The following LOC128462377 variants were observed in gnomAD, a reference collection of about 807,000 sequenced individuals.
chr16:89,328,718 C>G, the LOC128462377 span, among the ~76,000 whole-genome samples: 2 of 139,864 alleles, frequency 1.4e-5, no homozygotes, highest in African/African-American at 2.8e-5. Context: ...GAGGCCCCTG[C>G]TGAGTGAGTG....
At chr16:89,384,038 G>A in the LOC128462377 span, among the ~76,000 whole-genome samples, 1 of 152,156 alleles carries the variant, frequency 6.6e-6, no homozygotes, top group East Asian at 1.9e-4. Context: ...TGGCCAACAT[G>A]GCAAAACCCT....
chr16:89,357,087 T>C, the LOC128462377 span, among the ~76,000 whole-genome samples: 2 of 151,988 alleles, frequency 1.3e-5, no homozygotes, highest in African/African-American at 4.8e-5. Flanking sequence ...AGGGCAGTGG[T>C]GGGGATGAGG....
the LOC128462377 span, chr16:89,328,881 G>A: frequency 8.9e-6 from 1 of 112,056 alleles, no homozygotes; most frequent in Non-Finnish European, 1.8e-5. Context: ...TGCTGAGTGA[G>A]TGGACATACC....
At chr16:89,329,311 G>A in the LOC128462377 span, among the ~76,000 whole-genome samples, 7 of 152,182 alleles carry the variant, frequency 4.6e-5, no homozygotes, top group Admixed American at 2.6e-4. Context: ...TCATGTTCCC[G>A]GCCACTGGGC....
At chr16:89,381,972 G>C in the LOC128462377 span, among the ~76,000 whole-genome samples, 1 of 152,202 alleles carries the variant, frequency 6.6e-6, no homozygotes, top group Non-Finnish European at 1.5e-5. Context: ...CTTCAATGTA[G>C]TGTGTCTGAG....
chr16:89,333,863 G>C, the LOC128462377 span, among the ~76,000 whole-genome samples: 1 of 152,158 alleles, frequency 6.6e-6, no homozygotes, highest in East Asian at 1.9e-4. Context: ...GTATTATTCT[G>C]TGAGTATGTT....
At chr16:89,335,995 C>CT in the LOC128462377 span, among the ~76,000 whole-genome samples, 2 of 152,220 alleles carry the variant, frequency 1.3e-5, no homozygotes, top group Non-Finnish European at 2.9e-5. Flanking sequence ...TCAGATGGGT[C>CT]TTTTATTAGA....
chr16:89,344,602 C>A, the LOC128462377 span, among the ~76,000 whole-genome samples: 70,378 of 152,098 alleles, frequency 0.46, 16,459 homozygotes, highest in Middle Eastern at 0.58. Context: ...ACAATGCAAG[C>A]GTCCGGGAGG....
At chr16:89,371,482 G>C in the LOC128462377 span, among the ~76,000 whole-genome samples, 1 of 152,256 alleles carries the variant, frequency 6.6e-6, no homozygotes, top group African/African-American at 2.4e-5. Context: ...GCTTCTCTCT[G>C]GTGCCCAGGC....
the LOC128462377 span, chr16:89,370,876 C>T: frequency 6.6e-6 from 1 of 152,410 alleles, no homozygotes; most frequent in South Asian, 2.1e-4. Context: ...GCCAAGCCTC[C>T]ATTCACCCCA....
chr16:89,367,829 G>A, the LOC128462377 span, among the ~76,000 whole-genome samples: 1 of 152,058 alleles, frequency 6.6e-6, no homozygotes, highest in Non-Finnish European at 1.5e-5. Flanking sequence ...GCAACATGGC[G>A]AAACCCTGTC....
the LOC128462377 span, among the ~76,000 whole-genome samples, chr16:89,416,455 C>T: frequency 3.3e-5 from 5 of 152,086 alleles, no homozygotes; most frequent in African/African-American, 7.2e-5. Flanking sequence ...TTCGCCACCA[C>T]GTCCGGTTAA....
At chr16:89,323,349 A>G in the LOC128462377 span, 17 of 1,288,228 alleles carry the variant, frequency 1.3e-5, no homozygotes, top group East Asian at 8.3e-4. Context: ...GAAGAGAAGC[A>G]CCACTGGCCT....
chr16:89,384,879 C>CTTTTCTTTTTTT, the LOC128462377 span, among the ~76,000 whole-genome samples: 1 of 49,910 alleles, frequency 2.0e-5, no homozygotes, highest in Non-Finnish European at 3.5e-5. Flanking sequence ...AAATAGTTTT[C>CTTTTCTTTTTTT]TTTTTTTTTT....
the LOC128462377 span, among the ~76,000 whole-genome samples, chr16:89,346,142 G>C: frequency 6.6e-6 from 1 of 151,482 alleles, no homozygotes; most frequent in Admixed American, 6.6e-5. Context: ...CCAGCTACTC[G>C]GGAGGCTGAG....
chr16:89,348,551 A>C, the LOC128462377 span, among the ~76,000 whole-genome samples: 1 of 152,224 alleles, frequency 6.6e-6, no homozygotes, highest in Non-Finnish European at 1.5e-5. Flanking sequence ...TATAGTACAA[A>C]TGACCAAGTC....
the LOC128462377 span, among the ~76,000 whole-genome samples, chr16:89,401,974 G>A: frequency 1.5e-5 from 2 of 132,238 alleles, no homozygotes; most frequent in Non-Finnish European, 3.1e-5. Context: ...AGAAGGAACC[G>A]GCCCTGCAGA....
the LOC128462377 span, among the ~76,000 whole-genome samples, chr16:89,383,004 C>T: frequency 2.0e-5 from 3 of 152,232 alleles, no homozygotes; most frequent in Admixed American, 1.3e-4. Context: ...CCGTGCCAGG[C>T]TTGTAAAGCG....
chr16:89,417,260 T>G, the LOC128462377 span, among the ~76,000 whole-genome samples: 1 of 152,216 alleles, frequency 6.6e-6, no homozygotes, highest in African/African-American at 2.4e-5. Context: ...GAAAGGTTCT[T>G]TCACGTTTGC....
Sources: gnomAD v4.1 joint callset for allele counts (sites outside exome capture counted in the v4.1 genomes callset) on GRCh38, gnomAD v4.1.1 for gene constraint, MANE v1.5 for transcripts.